The following ZNF280D variants were observed in gnomAD, a reference collection of about 807,000 sequenced individuals.
ZNF280D encodes the protein zinc finger protein 280D, also known as suppressor of hairy wing homolog 4.
In ZNF280D, 39 loss-of-function variants were observed where a neutral mutation model predicts 94.7. The ratio of observed to expected loss-of-function variants is 0.41; its 90% CI spans 0.32 to 0.54. The LOEUF is 0.54. ZNF280D is among the 20% of genes least tolerant of loss of function. ZNF280D has a pLI of 0.22. For missense variants in ZNF280D, 1,090 were observed against 1,149.3 expected (o/e 0.95, Z 0.75); for synonymous variants, 398 against 377.6 (o/e 1.05, Z -0.63).
rs1453143935 is a variant in ZNF280D at position 56,645,146 on chromosome 15, AT to A, written c.2214-2150del. On this transcript the variant is annotated intron_variant, in intron 19 of 21. Coordinates refer to ENST00000267807, the MANE Select transcript of ZNF280D (RefSeq NM_017661.4). ...AAAAATTTTCTTACCTATAATTCTT[AT>A]TTACTAAAGATACCTGCTGAAATAG... The A allele has an allele frequency of 4.6e-5, 7 of 152,130 alleles. No homozygotes were observed. In the East Asian group the frequency reaches 1.3e-3, roughly 29 times the overall value. 9.4% of individuals were successfully genotyped at this position (152,130 alleles called of 1,614,324 possible). A position where few individuals can be genotyped will look rare whatever the true frequency, so the allele number is the denominator to read the frequency against.
chr15:56,676,549 T>A, intron 13 of ZNF280D, 121 bp downstream of exon 13: 1 of 797,146 alleles, frequency 1.3e-6, no homozygotes, highest in Non-Finnish European at 1.8e-6. Context: ...AAGTGTAAAT[T>A]AATAGTGTCA....
chr15:56,674,468 G>T (rs2055077987), intron 13 of ZNF280D, among the ~76,000 whole-genome samples: 1 of 151,966 alleles, frequency 6.6e-6, no homozygotes, highest in Admixed American at 6.6e-5. Flanking sequence ...AGATTTACAG[G>T]TAATTCTTAC....
At chr15:56,686,359 G>A (rs1416019357) in intron 9 of ZNF280D, among the ~76,000 whole-genome samples, 2 of 152,100 alleles carry the variant, frequency 1.3e-5, no homozygotes, top group Non-Finnish European at 2.9e-5. Context: ...GGCTGGTCTC[G>A]AACTCCTGAC....
intron 21 of ZNF280D, 128 bp downstream of exon 21, chr15:56,635,067 C>A: frequency 4.6e-6 from 2 of 430,176 alleles, no homozygotes; most frequent in South Asian, 8.4e-5. Flanking sequence ...AATTAAGAGC[C>A]ATTACAGAAA....
chr15:56,706,630 T>G (rs1418259536), intron 3 of ZNF280D, among the ~76,000 whole-genome samples: 3 of 152,076 alleles, frequency 2.0e-5, no homozygotes, highest in Admixed American at 2.0e-4. Flanking sequence ...ATGAGAAAAA[T>G]GTCCATTGTG....
chr15:56,657,656 A>G (rs1286760180), intron 17 of ZNF280D, among the ~76,000 whole-genome samples: 2 of 152,168 alleles, frequency 1.3e-5, no homozygotes, highest in African/African-American at 4.8e-5. Flanking sequence ...AAAAAGTTAT[A>G]GCAAACCACA....
chr15:56,733,413 C>T, intron 1 of ZNF280D, 45 bp downstream of exon 1: 1 of 1,015,162 alleles, frequency 9.9e-7, no homozygotes, highest in Non-Finnish European at 1.2e-6. Flanking sequence ...GGGAGGGCCT[C>T]TGCCTGCTGC....
intron 14 of ZNF280D, chr15:56,668,364 T>G (rs2054438564): frequency 6.3e-6 from 2 of 319,930 alleles, no homozygotes; most frequent in South Asian, 2.4e-5. Flanking sequence ...TATCCAGCAG[T>G]AGAACTTGCT....
At chr15:56,696,800 T>G (rs1566996401) in intron 6 of ZNF280D, among the ~76,000 whole-genome samples, 1 of 152,200 alleles carries the variant, frequency 6.6e-6, no homozygotes, top group Non-Finnish European at 1.5e-5. Flanking sequence ...TAAGCAGCTA[T>G]CATTTCTGGG....
intron 19 of ZNF280D, chr15:56,653,809 A>G: frequency 7.9e-7 from 1 of 1,261,444 alleles, no homozygotes; most frequent in African/African-American, 1.6e-5. Context: ...CATAGCAACA[A>G]ATGTTATTTT....
At chr15:56,701,787 C>CAA in intron 4 of ZNF280D, among the ~76,000 whole-genome samples, 1 of 152,096 alleles carries the variant, frequency 6.6e-6, no homozygotes, top group East Asian at 1.9e-4. Context: ...GAAAAACTAT[C>CAA]AGAGATTGCA....
intron 6 of ZNF280D, chr15:56,698,569 T>TG (rs2056882540): frequency 6.6e-6 from 1 of 152,134 alleles, no homozygotes; most frequent in Admixed American, 6.5e-5. Context: ...TTACCCATAA[T>TG]CCCCAGGTCC....
intron 1 of ZNF280D, among the ~76,000 whole-genome samples, chr15:56,721,380 T>C (rs1157643923): frequency 6.6e-6 from 1 of 152,190 alleles, no homozygotes; most frequent in Admixed American, 6.5e-5. Flanking sequence ...AGTCAGCCTG[T>C]CCTTCAAAAT....
intron 19 of ZNF280D, among the ~76,000 whole-genome samples, chr15:56,649,869 T>A (rs1021327538): frequency 3.3e-5 from 5 of 152,078 alleles, no homozygotes; most frequent in Non-Finnish European, 7.4e-5. Flanking sequence ...ATTCTGTTCC[T>A]AAGAGTTTAC....
intron 1 of ZNF280D, among the ~76,000 whole-genome samples, chr15:56,716,332 T>C (rs1198120619): frequency 6.6e-6 from 1 of 151,964 alleles, no homozygotes; most frequent in Non-Finnish European, 1.5e-5. Flanking sequence ...AAATTGGCTT[T>C]GCTAAAAAAA....
intron 14 of ZNF280D, 139 bp downstream of exon 14, chr15:56,668,684 A>T: frequency 2.6e-6 from 2 of 759,556 alleles, no homozygotes; most frequent in South Asian, 2.4e-5. Context: ...TTTTCCTTCT[A>T]CACATAAAAT....
intron 1 of ZNF280D, among the ~76,000 whole-genome samples, chr15:56,729,191 T>G (rs2058767664): frequency 6.6e-6 from 1 of 152,180 alleles, no homozygotes; most frequent in Admixed American, 6.5e-5. Context: ...GGAAAAGGCA[T>G]GAAAGTAGAA....
At chr15:56,634,276 C>T (rs1389273700) in intron 21 of ZNF280D, 1 of 83,926 alleles carries the variant, frequency 1.2e-5, no homozygotes, top group African/African-American at 4.8e-5. Flanking sequence ...TGGTCAATTA[C>T]ATATGGAAAA....
At chr15:56,653,364 T>A in intron 19 of ZNF280D, 1 of 1,262,696 alleles carries the variant, frequency 7.9e-7, no homozygotes. Flanking sequence ...CTCAATTTGG[T>A]GGGCCTTAAA....
Sources: gnomAD v4.1 joint callset for allele counts (sites outside exome capture counted in the v4.1 genomes callset) on GRCh38, gnomAD v4.1.1 for gene constraint, MANE v1.5 for transcripts, NCBI Gene and HGNC (gene_info 2026-07-23, HGNC 2026-07-21) for gene names.